DYNLT3: variants seen among roughly 807,000 people sequenced by gnomAD.
DYNLT3 encodes the protein dynein light chain Tctex-type 3, also known as protein 91/23.
Under a neutral mutation model 11.0 loss-of-function variants are expected in DYNLT3, and 4 were observed. The observed-to-expected ratio is 0.36, with a 90% confidence interval of 0.18 to 0.83. The LOEUF (loss-of-function observed/expected upper bound fraction) is 0.83, where lower values mean the gene tolerates loss of function less well. Ranked by LOEUF, DYNLT3 falls within the 40% of genes least tolerant of loss-of-function variation. DYNLT3 has a pLI of 0.47. For synonymous variants in DYNLT3, 37 were observed against 31.2 expected (o/e 1.18, Z -0.61); for missense variants, 91 against 91.1 (o/e 1.00, Z 0.01).
intron 2 of DYNLT3, among the ~76,000 whole-genome samples, chrX:37,844,738 G>T (rs1234914764): frequency 9.0e-6 from 1 of 110,974 alleles, no homozygotes; most frequent in Admixed American, 9.6e-5. Flanking sequence ...TCTCATTTGG[G>T]AGTCTCCCAA....
At position 37,847,068 on chromosome X, in the gene DYNLT3, A is replaced by G. The variant is rs912586918; in HGVS notation, c.30+413T>C. On this transcript the variant is annotated intron_variant, in intron 1 of 4. Transcript: ENST00000378578. The stretch of plus-strand genomic sequence containing the variant: ...CGGGAGCGGGAATGGCAGTGCCACC[A>G]GGACCCCGAGACTCCGAGCCATGGG... 7.7e-6 allele frequency: 9 copies of G among 1,163,931 alleles called. No homozygotes were observed. The African/African-American group carries it at 1.4e-4, about 19-fold the overall frequency.
At chrX:37,842,723 C>T (rs909238321) in intron 2 of DYNLT3, among the ~76,000 whole-genome samples, 1 of 111,714 alleles carries the variant, frequency 9.0e-6, no homozygotes, top group African/African-American at 3.3e-5. Flanking sequence ...AGGATAACAG[C>T]ATCATCTTAT....
intron 2 of DYNLT3, among the ~76,000 whole-genome samples, chrX:37,842,382 T>C (rs149528629): frequency 1.7e-3 from 183 of 109,700 alleles, no homozygotes; most frequent in African/African-American, 6.1e-3. Context: ...AATTCTTATG[T>C]ATACTAATTA....
At chrX:37,841,195 G>T in intron 3 of DYNLT3, 90 bp from the exon 4 acceptor site, 2 of 703,330 alleles carry the variant, frequency 2.8e-6, no homozygotes, top group South Asian at 4.2e-5. Flanking sequence ...TCTACAAGCC[G>T]AAAACAAGAC....
At chrX:37,840,787 CACATATAT>C (rs1453908970) in intron 4 of DYNLT3, 136 bp from the exon 5 acceptor site, 1 of 337,681 alleles carries the variant, frequency 3.0e-6, no homozygotes, top group Non-Finnish European at 4.7e-6. Context: ...CACACACACA[CACATATAT>C]ATATATATAT....
rs1332301505 is a variant in DYNLT3, at chrX:37,839,435, T to C, written c.*1140A>G. 8.9e-6 allele frequency: 1 copy of C among 112,391 alleles called. No individual in the cohort carries two copies. The highest frequency in any genetic ancestry group is 1.9e-5 in the Non-Finnish European group (1 of 53,187). The allele number at this position is 112,391 out of a possible 1,213,427, so 9.3% of individuals were successfully genotyped here. On this transcript the variant is annotated 3_prime_UTR_variant, in exon 5 of 5. Transcript: ENST00000378578. Reference sequence around the variant, plus strand: ...GATTGTATACTTTTAATCTATACTTTATTCCACTCAATTTGAACCCCACAT... The same window carrying C: ...GATTGTATACTTTTAATCTATACTTCATTCCACTCAATTTGAACCCCACAT...
At chrX:37,847,428 G>C (rs1483897558) in intron 1 of DYNLT3, 53 bp downstream of exon 1, 2 of 1,006,366 alleles carry the variant, frequency 2.0e-6, no homozygotes, top group African/African-American at 4.0e-5. Flanking sequence ...CAAGAGCCCC[G>C]CGCAGAGGAA....
chrX:37,842,031 A>G, intron 2 of DYNLT3, 126 bp from the exon 3 acceptor site: 2 of 636,330 alleles, frequency 3.1e-6, no homozygotes, highest in Non-Finnish European at 4.4e-6. Context: ...AAGGCATCTT[A>G]GAAAATATAC....
At chrX:37,841,493 G>A (rs951998661) in intron 3 of DYNLT3, among the ~76,000 whole-genome samples, 1 of 111,017 alleles carries the variant, frequency 9.0e-6, no homozygotes, top group African/African-American at 3.3e-5. Flanking sequence ...TGGGACTACC[G>A]AAAGAAACAC....
rs1314160011 is a variant in DYNLT3, at chrX:37,839,093, A to G, written c.*1482T>C. ...CATTAAACTCCTTTATTTTGTTAAT[A>G]TTATTCTTAAACATTGAACAATTAT... On this transcript the variant is annotated 3_prime_UTR_variant, in exon 5 of 5. Transcript: ENST00000378578. The G allele has an allele frequency of 9.0e-6, 1 of 111,723 alleles. No homozygotes were observed. Among genetic ancestry groups the G allele is most frequent in the African/African-American group, 3.3e-5 (1 of 30,724 alleles). 9.2% of individuals were successfully genotyped at this position (111,723 alleles called of 1,213,427 possible).
chrX:37,847,362 C>A (rs770451033), intron 1 of DYNLT3, 119 bp downstream of exon 1: 35 of 954,380 alleles, frequency 3.7e-5, no homozygotes, highest in Non-Finnish European at 4.4e-5. Context: ...AGGACCCGGG[C>A]TCGGAGGACG....
intron 2 of DYNLT3, among the ~76,000 whole-genome samples, chrX:37,843,605 T>C (rs1194189306): frequency 8.9e-6 from 1 of 111,913 alleles, no homozygotes; most frequent in Non-Finnish European, 1.9e-5. Context: ...TTAAATCAAA[T>C]ACACTTTAGA....
chrX:37,842,041 C>T (rs1930176633), intron 2 of DYNLT3, 136 bp from the exon 3 acceptor site: 1 of 595,027 alleles, frequency 1.7e-6, no homozygotes, highest in Admixed American at 4.5e-5. Flanking sequence ...AGAAAATATA[C>T]ACTTGGTAAA....
intron 2 of DYNLT3, among the ~76,000 whole-genome samples, chrX:37,845,425 G>A (rs6610717): frequency 0.15 from 16,275 of 111,135 alleles, 1,836 homozygotes; most frequent in African/African-American, 0.4. Flanking sequence ...ATTCCCAAAG[G>A]TAATTTCTTT....
In DYNLT3 at chrX:37,840,723, TACACACACACAC is replaced by T. The variant is rs750332268; in HGVS notation, c.275-84_275-73del. 1.2e-5 allele frequency: 5 copies of T among 413,239 alleles called. No individual in the cohort carries two copies. The African/African-American group carries it at 1.3e-4, about 10-fold the overall frequency. 34.1% of individuals were successfully genotyped at this position (413,239 alleles called of 1,213,427 possible). A position where few individuals can be genotyped will look rare whatever the true frequency, so the allele number is the denominator to read the frequency against. ...TTATCAGAGAATATATATATATATATACACACACACACACACACACACACATATACACACACA... is the reference window on the plus strand; with the variant it reads ...TTATCAGAGAATATATATATATATATACACACACACACATATACACACACA... On this transcript the variant is annotated intron_variant, in intron 4 of 4. Transcript: ENST00000378578.
At position 37,841,812 on chromosome X, in the gene DYNLT3, C is replaced by T. The variant is rs1930167508; in HGVS notation, c.166G>A (p.Val56Ile). 13 of 1,175,291 alleles carry T rather than the reference C, an allele frequency of 1.1e-5. No individual in the cohort carries two copies. Among genetic ancestry groups the T allele is most frequent in the South Asian group, 3.9e-5 (2 of 51,573 alleles). The change falls in exon 3 of 5, where the codon GTT becomes ATT. Residue 56 changes from valine (V) to isoleucine (I), a missense_variant. Coordinates refer to ENST00000378578, the MANE Select transcript of DYNLT3 (RefSeq NM_006520.3). Reference sequence around the variant, plus strand: ...TATTTATAGGCTTTTCCCAACTTAACCAGGTGTGTTAAGGATTGTTCCACT... The same window carrying T: ...TATTTATAGGCTTTTCCCAACTTAATCAGGTGTGTTAAGGATTGTTCCACT... Reference protein sequence around the residue: ...SIVEQSLTHLVKLGKAYKYIV... With the variant: ...SIVEQSLTHLIKLGKAYKYIV...
In DYNLT3 at chrX:37,839,432, C is replaced by T. The variant is rs1930100039; in HGVS notation, c.*1143G>A. The T allele has an allele frequency of 8.9e-6, 1 of 112,106 alleles. No individual in the cohort carries two copies. Among genetic ancestry groups the T allele is most frequent in the South Asian group, 3.7e-4 (1 of 2,724 alleles). 9.2% of individuals were successfully genotyped at this position (112,106 alleles called of 1,213,427 possible). A position where few individuals can be genotyped will look rare whatever the true frequency, so the allele number is the denominator to read the frequency against. On this transcript the variant is annotated 3_prime_UTR_variant, in exon 5 of 5. Coordinates refer to ENST00000378578, the MANE Select transcript of DYNLT3 (RefSeq NM_006520.3). ...AAGGATTGTATACTTTTAATCTATA[C>T]TTTATTCCACTCAATTTGAACCCCA... is the stretch of plus-strand genomic sequence containing the variant.
In DYNLT3 at chrX:37,843,797, T is replaced by C. The variant is rs141045580; in HGVS notation, c.73-1892A>G. Among the ~76,000 whole-genome samples the C allele has an allele frequency of 1.3e-4, 15 of 111,404 alleles. 1 individual carries two copies. The East Asian group carries it at 4.2e-3, about 31-fold the overall frequency. The stretch of plus-strand genomic sequence containing the variant: ...AGAAATCAAAGGAAAGAAAATAAGA[T>C]CAATAAGAAAATAAGATCAGTAAGG... On this transcript the variant is annotated intron_variant, in intron 2 of 4. Coordinates refer to ENST00000378578, the MANE Select transcript of DYNLT3 (RefSeq NM_006520.3).
At chrX:37,840,697 A>G (rs1390961966) in intron 4 of DYNLT3, 46 bp from the exon 5 acceptor site, 6 of 936,583 alleles carry the variant, frequency 6.4e-6, no homozygotes, top group African/African-American at 4.1e-5. Flanking sequence ...AAACATAAAA[A>G]TTATCAGAGA....
Sources: allele counts gnomAD v4.1 joint callset (sites outside exome capture counted in the v4.1 genomes callset), GRCh38; gene constraint gnomAD v4.1.1; transcripts MANE v1.5; gene names NCBI Gene and HGNC (gene_info 2026-07-23, HGNC 2026-07-21).